Variants in ASIC2 observed in about 807,000 individuals in gnomAD.
The protein encoded by ASIC2 is acid-sensing ion channel 2.
ASIC2 carries 25 observed loss-of-function variants against 57.3 expected under a neutral mutation model. The observed-to-expected ratio is 0.44, with a 90% CI of 0.32 to 0.61. The LOEUF (loss-of-function observed/expected upper bound fraction) is 0.61. Among genes scored for constraint, ASIC2 ranks in the 20% least tolerant of loss-of-function variants. The pLI, the probability that ASIC2 is intolerant of heterozygous loss-of-function variation, is 0.06. For missense variants in ASIC2, 641 were observed against 738.1 expected (o/e 0.87, Z 1.52); for synonymous variants, 319 against 307.5 (o/e 1.04, Z -0.39).
intron 1 of ASIC2, among the ~76,000 whole-genome samples, chr17:33,645,281 C>G (rs1179614021): frequency 6.6e-6 from 1 of 152,124 alleles, no homozygotes; most frequent in East Asian, 1.9e-4. Context: ...ACTAGGTAGG[C>G]AGAGATGACA....
chr17:33,622,292 C>A (rs143014847), intron 1 of ASIC2, among the ~76,000 whole-genome samples: 2 of 152,108 alleles, frequency 1.3e-5, no homozygotes, highest in East Asian at 3.9e-4. Context: ...GATGGAGAAG[C>A]CAGGGCAAAG....
chr17:33,184,297 A>G (rs16968125), intron 1 of ASIC2, among the ~76,000 whole-genome samples: 39,756 of 152,040 alleles, frequency 0.26, 7,501 homozygotes, highest in African/African-American at 0.51. Flanking sequence ...CATAGCCGCT[A>G]TAAAAACTCA....
chr17:33,941,296 C>T (rs1403178121), intron 1 of ASIC2, among the ~76,000 whole-genome samples: 1 of 152,170 alleles, frequency 6.6e-6, no homozygotes. Flanking sequence ...CCCAGACGCC[C>T]TCAGAAGAAA....
chr17:33,362,826 A>G (rs1317612771), intron 1 of ASIC2, among the ~76,000 whole-genome samples: 1 of 152,246 alleles, frequency 6.6e-6, no homozygotes, highest in Admixed American at 6.5e-5. Flanking sequence ...TTGAGCATCT[A>G]CTGAATAAGC....
At chr17:33,960,689 C>T (rs1402064392) in intron 1 of ASIC2, among the ~76,000 whole-genome samples, 4 of 152,154 alleles carry the variant, frequency 2.6e-5, no homozygotes, top group Non-Finnish European at 5.9e-5. Flanking sequence ...ACCATTGTCT[C>T]CTGCTTCTGG....
chr17:33,806,576 G>A (rs1027182210), intron 1 of ASIC2, among the ~76,000 whole-genome samples: 42 of 152,322 alleles, frequency 2.8e-4, no homozygotes, highest in Admixed American at 1.3e-3. Context: ...ATATTGCAAC[G>A]AATTATTTAG....
intron 1 of ASIC2, among the ~76,000 whole-genome samples, chr17:34,035,378 A>C (rs868808759): frequency 6.8e-6 from 1 of 146,158 alleles, no homozygotes; most frequent in African/African-American, 2.7e-5. Flanking sequence ...TACAAAAATC[A>C]ATTCAAGATG....
At chr17:33,959,992 T>C (rs4794983) in intron 1 of ASIC2, among the ~76,000 whole-genome samples, 101,258 of 151,964 alleles carry the variant, frequency 0.67, 33,842 homozygotes, top group African/African-American at 0.7. Context: ...ATGGACTTTG[T>C]CTATGCTAAT....
intron 1 of ASIC2, among the ~76,000 whole-genome samples, chr17:33,440,651 C>G (rs1362627681): frequency 6.6e-6 from 1 of 152,162 alleles, no homozygotes; most frequent in Non-Finnish European, 1.5e-5. Flanking sequence ...TGATTAGAAC[C>G]ATTTTAGTAG....
intron 1 of ASIC2, among the ~76,000 whole-genome samples, chr17:33,563,751 A>T (rs1916146917): frequency 6.6e-6 from 1 of 152,158 alleles, no homozygotes; most frequent in Admixed American, 6.5e-5. Flanking sequence ...CATAGCTTTT[A>T]ATATGGCGAA....
At chr17:33,058,479 A>C (rs1438068743) in intron 3 of ASIC2, among the ~76,000 whole-genome samples, 1 of 151,022 alleles carries the variant, frequency 6.6e-6, no homozygotes, top group East Asian at 1.9e-4. Context: ...TCAAAAAAAA[A>C]AAAAAAAAAA....
At chr17:33,529,692 T>A (rs1320670510) in intron 1 of ASIC2, 1 of 152,212 alleles carries the variant, frequency 6.6e-6, no homozygotes, top group African/African-American at 2.4e-5. Context: ...GAAGACAGAA[T>A]CATTTCTGCA....
intron 1 of ASIC2, among the ~76,000 whole-genome samples, chr17:33,443,329 C>T (rs4286149): frequency 1.4e-5 from 2 of 146,564 alleles, no homozygotes; most frequent in African/African-American, 5.1e-5. Context: ...GGTATTGTTT[C>T]TTCTTTAAAA....
At chr17:34,120,160 G>A (rs969248855) in intron 1 of ASIC2, 2 of 152,216 alleles carry the variant, frequency 1.3e-5, no homozygotes, top group Admixed American at 6.5e-5. Context: ...AAGGTAGTAT[G>A]GCCATAGATT....
intron 1 of ASIC2, among the ~76,000 whole-genome samples, chr17:33,590,646 C>T (rs1904798580): frequency 6.6e-6 from 1 of 151,970 alleles, no homozygotes; most frequent in South Asian, 2.1e-4. Context: ...CCAATCTCTA[C>T]ACAACACCTC....
At chr17:33,490,499 A>G (rs1913718054) in intron 1 of ASIC2, among the ~76,000 whole-genome samples, 1 of 152,198 alleles carries the variant, frequency 6.6e-6, no homozygotes, top group Non-Finnish European at 1.5e-5. Context: ...GGCCAGGTGG[A>G]GATAATTGAA....
intron 1 of ASIC2, among the ~76,000 whole-genome samples, chr17:33,380,245 C>CAAAAAAAAA (rs10586872): frequency 1.9e-3 from 134 of 70,984 alleles, no homozygotes; most frequent in South Asian, 5.3e-3. Flanking sequence ...AACCCTGTCT[C>CAAAAAAAAA]AAAAAAAAAA....
chr17:34,031,493 T>A (rs1907609798), intron 1 of ASIC2, among the ~76,000 whole-genome samples: 1 of 152,088 alleles, frequency 6.6e-6, no homozygotes, highest in African/African-American at 2.4e-5. Context: ...TCACCAGCAA[T>A]GGAACAAAGC....
chr17:33,579,488 T>C (rs574483147), intron 1 of ASIC2, among the ~76,000 whole-genome samples: 1 of 152,188 alleles, frequency 6.6e-6, no homozygotes, highest in South Asian at 2.1e-4. Context: ...GAGAATCACG[T>C]GCCTTACTGT....
Sources: gnomAD v4.1 joint callset for allele counts (sites outside exome capture counted in the v4.1 genomes callset) on GRCh38, gnomAD v4.1.1 for gene constraint, MANE v1.5 for transcripts, NCBI Gene and HGNC (gene_info 2026-07-23, HGNC 2026-07-21) for gene names.